WWOX: variants seen among roughly 807,000 people sequenced by gnomAD.
The protein encoded by WWOX is WW domain-containing oxidoreductase.
A neutral mutation model predicts 46.2 loss-of-function variants in WWOX; 69 were observed. The observed-to-expected ratio is 1.49, with a 90% CI of 1.23 to 1.82. The LOEUF is 1.82. WWOX is among the 40% of genes most tolerant of loss of function. The pLI, the probability that WWOX is intolerant of heterozygous loss-of-function variation, is 0.00. For synonymous variants in WWOX, 359 were observed against 202.6 expected, an observed-to-expected ratio of 1.77 and a Z score of -6.56; for missense variants, 919 against 542.6, an observed-to-expected ratio of 1.69 and a Z score of -6.89.
intron 8 of WWOX, among the ~76,000 whole-genome samples, chr16:78,836,913 G>T (rs2052001025): frequency 6.6e-6 from 1 of 152,124 alleles, no homozygotes; most frequent in Non-Finnish European, 1.5e-5. Context: ...TTTTTTCAGA[G>T]TCAGAGGTTG....
intron 8 of WWOX, among the ~76,000 whole-genome samples, chr16:78,547,474 G>A (rs984428277): frequency 6.6e-6 from 1 of 152,168 alleles, no homozygotes; most frequent in Non-Finnish European, 1.5e-5. Flanking sequence ...AGTGTTGACT[G>A]TGCTCTAGAC....
chr16:78,610,019 T>C (rs115248114), intron 8 of WWOX, among the ~76,000 whole-genome samples: 3,139 of 132,150 alleles, frequency 0.024, 127 homozygotes, highest in African/African-American at 0.086. Context: ...TAGCAGAAGG[T>C]AGCTCTGCGA....
At chr16:78,228,769 C>T (rs1445338435) in intron 5 of WWOX, among the ~76,000 whole-genome samples, 1 of 152,214 alleles carries the variant, frequency 6.6e-6, no homozygotes, top group African/African-American at 2.4e-5. Context: ...TTTCATCCTT[C>T]TTCATTTCAG....
intron 8 of WWOX, among the ~76,000 whole-genome samples, chr16:78,887,082 GTGTGTGTGTGTGTGTGTGTGTGTGT>G (rs2044477447): frequency 4.7e-4 from 6 of 12,892 alleles, no homozygotes; most frequent in East Asian, 6.0e-3. Flanking sequence ...TGTGTGGTGT[GTGTGTGTGTGTGTGTGTGTGTGTGT>G]GTGTGTGTGT....
intron 8 of WWOX, among the ~76,000 whole-genome samples, chr16:78,940,248 G>A (rs980249586): frequency 9.2e-5 from 14 of 152,276 alleles, no homozygotes; most frequent in African/African-American, 3.4e-4. Flanking sequence ...ATAGAATACG[G>A]AGTATATATT....
chr16:78,941,860 G>A (rs985145054), intron 8 of WWOX, among the ~76,000 whole-genome samples: 4 of 152,076 alleles, frequency 2.6e-5, no homozygotes, highest in Non-Finnish European at 5.9e-5. Context: ...AATCATGGTG[G>A]TTCTTTTTGC....
chr16:78,519,285 G>C (rs187133491), intron 8 of WWOX, among the ~76,000 whole-genome samples: 1 of 152,238 alleles, frequency 6.6e-6, no homozygotes, highest in African/African-American at 2.4e-5. Context: ...GGGCCACAGA[G>C]CTTGCTCCGA....
At chr16:78,566,682 G>A (rs922144604) in intron 8 of WWOX, among the ~76,000 whole-genome samples, 1 of 152,184 alleles carries the variant, frequency 6.6e-6, no homozygotes, top group Non-Finnish European at 1.5e-5. Context: ...GCTCACAACA[G>A]TGCAGTCAGG....
chr16:78,241,714 A>G (rs909133353), intron 5 of WWOX, among the ~76,000 whole-genome samples: 15 of 152,162 alleles, frequency 9.9e-5, no homozygotes, highest in Non-Finnish European at 1.8e-4. Context: ...TGTTGGGATT[A>G]CAGGCGTGAA....
Position 78,592,314 on chromosome 16 carries a change from G to C in WWOX, c.1056+159562G>C, listed in dbSNP as rs530935742. Among the ~76,000 whole-genome samples, 3 of 152,212 alleles carry C rather than the reference G, an allele frequency of 2.0e-5. No homozygotes were observed. The East Asian group carries it at 5.8e-4, about 29-fold the overall frequency. On this transcript the variant is annotated intron_variant, in intron 8 of 8. Coordinates refer to ENST00000566780, the MANE Select transcript of WWOX (RefSeq NM_016373.4). ...GTCTTCTGCCAAGATGTGGAATTTT[G>C]GCAAGGCTAGCATGATAACAAATAA...
At chr16:78,857,329 C>T (rs950020587) in intron 8 of WWOX, among the ~76,000 whole-genome samples, 3 of 152,234 alleles carry the variant, frequency 2.0e-5, no homozygotes, top group Non-Finnish European at 4.4e-5. Flanking sequence ...TTCACCATGA[C>T]ATTGGCAAAA....
At chr16:78,958,725 G>A (rs1041195937) in intron 8 of WWOX, among the ~76,000 whole-genome samples, 1 of 152,170 alleles carries the variant, frequency 6.6e-6, no homozygotes, top group Non-Finnish European at 1.5e-5. Flanking sequence ...GTATCACCAG[G>A]ATGCAATTAG....
chr16:78,713,346 C>A (rs1052147630), intron 8 of WWOX, among the ~76,000 whole-genome samples: 52 of 143,570 alleles, frequency 3.6e-4, no homozygotes, highest in African/African-American at 1.3e-3. Context: ...ATGGTGTGAG[C>A]TGGAGTAGAC....
At chr16:79,020,794 C>G (rs2047517751) in intron 8 of WWOX, among the ~76,000 whole-genome samples, 2 of 152,114 alleles carry the variant, frequency 1.3e-5, no homozygotes, top group South Asian at 2.1e-4. Context: ...TCTGTGCTCT[C>G]CATTACGGAA....
At chr16:78,579,736 A>G (rs1318499916) in intron 8 of WWOX, among the ~76,000 whole-genome samples, 1 of 152,220 alleles carries the variant, frequency 6.6e-6, no homozygotes, top group Non-Finnish European at 1.5e-5. Flanking sequence ...CTTTAGAGAA[A>G]ACAAATATCA....
At chr16:78,929,252 TG>T (rs1340456713) in intron 8 of WWOX, among the ~76,000 whole-genome samples, 4 of 123,078 alleles carry the variant, frequency 3.2e-5, no homozygotes, top group Non-Finnish European at 5.1e-5. Flanking sequence ...TATCATACAG[TG>T]ATTTTTTTTT....
chr16:78,984,913 A>G (rs1026644948), intron 8 of WWOX, among the ~76,000 whole-genome samples: 1 of 152,082 alleles, frequency 6.6e-6, no homozygotes, highest in Non-Finnish European at 1.5e-5. Context: ...TAATCGGCTC[A>G]TCAAGGTTCT....
intron 8 of WWOX, among the ~76,000 whole-genome samples, chr16:79,055,769 A>G (rs919728668): frequency 1.3e-5 from 2 of 152,214 alleles, no homozygotes; most frequent in Non-Finnish European, 2.9e-5. Flanking sequence ...TTATGGCAGT[A>G]CAAAGTATAT....
intron 8 of WWOX, among the ~76,000 whole-genome samples, chr16:79,209,528 A>T (rs2051641958): frequency 1.3e-5 from 2 of 152,110 alleles, no homozygotes; most frequent in African/African-American, 4.8e-5. Flanking sequence ...GGGAGGCTGG[A>T]CTTGAAATGG....
Sources: gnomAD v4.1 joint callset for allele counts (sites outside exome capture counted in the v4.1 genomes callset) on GRCh38, gnomAD v4.1.1 for gene constraint, MANE v1.5 for transcripts, NCBI Gene and HGNC (gene_info 2026-07-23, HGNC 2026-07-21) for gene names.